C17orf78: variants seen among roughly 807,000 people sequenced by gnomAD.
C17orf78 encodes the protein chromosome 17 open reading frame 78.
Under a neutral mutation model 31.8 loss-of-function variants are expected in C17orf78, and 27 were observed. The ratio of observed to expected loss-of-function variants is 0.85; its 90% CI spans 0.63 to 1.17. The LOEUF (loss-of-function observed/expected upper bound fraction) is 1.17. Ranked by LOEUF, C17orf78 falls within the 50% of genes most tolerant of loss-of-function variation. The pLI is 0.00. For missense variants in C17orf78, 258 were observed against 315.2 expected (o/e 0.82, Z 1.37); for synonymous variants, 106 against 115.1 (o/e 0.92, Z 0.51).
At chr17:37,380,900 T>G (rs1394144448) in intron 3 of C17orf78, among the ~76,000 whole-genome samples, 1 of 147,266 alleles carries the variant, frequency 6.8e-6, no homozygotes, top group African/African-American at 2.5e-5. Context: ...CTGGCCAGGT[T>G]TTTTTTTTTT....
chr17:37,385,338 T>C (rs888657221), intron 3 of C17orf78, among the ~76,000 whole-genome samples: 5 of 152,122 alleles, frequency 3.3e-5, no homozygotes, highest in African/African-American at 1.2e-4. Context: ...CCGGGTGCGA[T>C]GGCATGCACC....
At chr17:37,385,587 G>C (rs772363337) in intron 3 of C17orf78, among the ~76,000 whole-genome samples, 24 of 152,216 alleles carry the variant, frequency 1.6e-4, no homozygotes, top group Middle Eastern at 6.8e-3. Flanking sequence ...AGTTGATCTA[G>C]ATTCTACTAG....
intron 1 of C17orf78, among the ~76,000 whole-genome samples, chr17:37,376,529 G>A (rs117548328): frequency 3.9e-4 from 60 of 152,238 alleles, no homozygotes; most frequent in Admixed American, 7.2e-4. Context: ...ATAGCTAGAC[G>A]GTGATATTCT....
rs2050661617 is a variant in C17orf78, at chr17:37,388,736, C to T, written c.575C>T (p.Thr192Ile). 1 of 1,612,602 alleles carries T rather than the reference C, an allele frequency of 6.2e-7. No individual in the cohort carries two copies. The highest frequency in any genetic ancestry group is 2.2e-5 in the East Asian group (1 of 44,878). ...SIVVKILIAV[T>I]LLLSGVAIIV... ...GTGGTCAAAATTCTGATTGCTGTCA[C>T]CCTGTTGCTCAGTGGAGTTGCCATT... The change falls in exon 5 of 7, where the codon ACC becomes ATC. Residue 192 changes from threonine to isoleucine, a missense_variant. By Grantham distance (89) the Thr-to-Ile change is moderately conservative. Coordinates refer to ENST00000615133, the MANE Select transcript of C17orf78 (RefSeq NM_173625.5).
chr17:37,381,849 G>C (rs1241818447), intron 3 of C17orf78, among the ~76,000 whole-genome samples: 3 of 151,504 alleles, frequency 2.0e-5, no homozygotes, highest in Non-Finnish European at 1.5e-5. Flanking sequence ...GGATGGTCTC[G>C]ATCGCCTGAC....
At chr17:37,381,845 T>C (rs569827123) in intron 3 of C17orf78, among the ~76,000 whole-genome samples, 19 of 151,776 alleles carry the variant, frequency 1.3e-4, no homozygotes, top group Non-Finnish European at 2.2e-4. Flanking sequence ...GCCAGGATGG[T>C]CTCGATCGCC....
chr17:37,392,113 T>C lies in C17orf78; in HGVS notation c.*389T>C. ...CTCCTCTGTTATCTTCACAGCTGACTTCACACTCACTGGCCCTCAATAGCT... is the reference window on the plus strand; with the variant it reads ...CTCCTCTGTTATCTTCACAGCTGACCTCACACTCACTGGCCCTCAATAGCT... On this transcript the variant is annotated 3_prime_UTR_variant, in exon 7 of 7. Coordinates refer to ENST00000615133, the MANE Select transcript of C17orf78 (RefSeq NM_173625.5). 5.0e-6 allele frequency: 1 copy of C among 198,252 alleles called. No homozygotes were observed. The highest frequency in any genetic ancestry group is 1.0e-5 in the Non-Finnish European group (1 of 95,714). The allele number at this position is 198,252 out of a possible 1,614,324, so 12.3% of individuals were successfully genotyped here. A position where few individuals can be genotyped will look rare whatever the true frequency, so the allele number is the denominator to read the frequency against.
intron 3 of C17orf78, among the ~76,000 whole-genome samples, chr17:37,381,915 C>CCG (rs1434276633): frequency 3.9e-5 from 6 of 152,318 alleles, no homozygotes; most frequent in South Asian, 2.1e-4. Context: ...GCGTGAGCCA[C>CCG]TGCACCCGGC....
In C17orf78 at chr17:37,392,556, A is replaced by C. The variant is rs1392462998; in HGVS notation, c.*832A>C. On this transcript the variant is annotated 3_prime_UTR_variant, in exon 7 of 7. Transcript: ENST00000615133. ...GAAAAAGGAAATGTCAGGAGGGATA[A>C]GACAGGGTGAGGCCCTGCTTCTTTT... 6.6e-6 allele frequency: 1 copy of C among 152,182 alleles called. No individual in the cohort carries two copies. Among genetic ancestry groups the C allele is most frequent in the African/African-American group, 2.4e-5 (1 of 41,446 alleles). The allele number at this position is 152,182 out of a possible 1,614,324, so 9.4% of individuals were successfully genotyped here. A position where few individuals can be genotyped will look rare whatever the true frequency, so the allele number is the denominator to read the frequency against.
At chr17:37,378,988 G>A in intron 2 of C17orf78, 149 bp from the exon 3 acceptor site, 2 of 941,566 alleles carry the variant, frequency 2.1e-6, no homozygotes, top group Non-Finnish European at 3.1e-6. Flanking sequence ...AGGATTGCTT[G>A]GAGATCGAGG....
Position 37,386,069 on chromosome 17 carries a change from C to A in C17orf78, c.452C>A (p.Thr151Asn). The A allele has an allele frequency of 2.5e-6, 4 of 1,606,148 alleles. No individual in the cohort carries two copies. Among genetic ancestry groups the A allele is most frequent in the Non-Finnish European group, 2.6e-6 (3 of 1,174,258 alleles). ...GGGGCTTCATCAGAGACTTTTCCCA[C>A]CACTGCCCCTTCTATAACTCCTGGG... ...VLGASSETFP[T>N]TAPSITPGNK... Residue 151 changes from threonine (T) to asparagine (N), a missense_variant, in exon 4 of 7, where the codon ACC (threonine) becomes AAC (asparagine). Thr to Asn is a moderately conservative substitution (Grantham distance 65, BLOSUM62 0). Transcript: ENST00000615133.
intron 3 of C17orf78, among the ~76,000 whole-genome samples, chr17:37,379,709 T>C (rs2050161081): frequency 6.6e-6 from 1 of 151,058 alleles, no homozygotes; most frequent in Non-Finnish European, 1.5e-5. Context: ...GAAATGCAAA[T>C]CAAAACCACA....
Position 37,388,731 on chromosome 17 carries a change from T to C in C17orf78, c.570T>C (p.Ala190=). ...GTATTGTGGTCAAAATTCTGATTGC[T>C]GTCACCCTGTTGCTCAGTGGAGTTG... is the stretch of plus-strand genomic sequence containing the variant. ...KWSIVVKILI[A]VTLLLSGVAI... is the part of the protein sequence containing the mutation. Residue 190 remains alanine, a synonymous_variant, in exon 5 of 7, where the codon GCT becomes GCC. Transcript: ENST00000615133. 6.2e-7 allele frequency: 1 copy of C among 1,612,604 alleles called. No homozygotes were observed. Among genetic ancestry groups the C allele is most frequent in the Non-Finnish European group, 8.5e-7 (1 of 1,178,970 alleles).
In C17orf78 at chr17:37,390,271, A is replaced by AT. The variant is rs1285790911; in HGVS notation, c.750+909_750+910insT. Among the ~76,000 whole-genome samples, 40 of 51,022 alleles carry AT rather than the reference A, an allele frequency of 7.8e-4. 1 individual carries two copies. The highest frequency in any genetic ancestry group is 3.4e-3 in the African/African-American group (36 of 10,734). The allele number at this position is 51,022 out of a possible 152,430, so 33.5% of individuals were successfully genotyped here. On this transcript the variant is annotated intron_variant, in intron 6 of 6. Transcript: ENST00000615133. ...ATATATATTATATATAATTATATAT[A>AT]ATATATTATATATAATTATATATTA...
intron 3 of C17orf78, among the ~76,000 whole-genome samples, chr17:37,380,286 G>A (rs12937316): frequency 1.9e-5 from 2 of 104,174 alleles, no homozygotes; most frequent in African/African-American, 3.9e-5. Flanking sequence ...GGGGTGGGGG[G>A]AGGGGGGAGG....
At chr17:37,377,397 A>G (rs1009183813) in intron 1 of C17orf78, among the ~76,000 whole-genome samples, 1 of 151,986 alleles carries the variant, frequency 6.6e-6, no homozygotes, top group African/African-American at 2.4e-5. Flanking sequence ...GGTGGCTCAC[A>G]CCTGTCATCC....
intron 4 of C17orf78, 122 bp from the exon 5 acceptor site, chr17:37,388,548 C>A: frequency 8.5e-7 from 1 of 1,172,364 alleles, no homozygotes; most frequent in Non-Finnish European, 1.2e-6. Context: ...TCTGCCTCTG[C>A]CTCTGGGTTA....
rs556133337 is a variant in C17orf78 at position 37,379,309 on chromosome 17, C to T, written c.318C>T (p.Asn106=). ...GAATCATTGCTGCTCCCCGCAGAAA[C>T]AGCTCTGCCTCCTCAAGCTGTCACC... ...NLRIIAAPRR[N]SSASSSCHLI... is the part of the protein sequence containing the mutation. The change falls in exon 3 of 7, where the codon AAC becomes AAT. Residue 106 remains asparagine, a synonymous_variant. Transcript: ENST00000615133. 18 of 1,613,886 alleles carry T rather than the reference C, an allele frequency of 1.1e-5. No homozygotes were observed. The highest frequency in any genetic ancestry group is 1.5e-5 in the Non-Finnish European group (18 of 1,179,892).
intron 3 of C17orf78, among the ~76,000 whole-genome samples, chr17:37,381,954 CT>C (rs1244826788): frequency 2.0e-5 from 3 of 152,132 alleles, no homozygotes; most frequent in East Asian, 1.9e-4. Context: ...TACTAGCCCC[CT>C]ATTGATATAT....
Sources: gnomAD v4.1 joint callset for allele counts (sites outside exome capture counted in the v4.1 genomes callset) on GRCh38, gnomAD v4.1.1 for gene constraint, MANE v1.5 for transcripts, NCBI Gene and HGNC (gene_info 2026-07-23, HGNC 2026-07-21) for gene names.